TRIO: variants seen among roughly 807,000 people sequenced by gnomAD.
TRIO encodes triple functional domain protein.
In TRIO, 58 loss-of-function variants were observed where a neutral mutation model predicts 351.9. The observed-to-expected ratio is 0.16, with a 90% CI of 0.13 to 0.21. The LOEUF is 0.21. Among genes scored for constraint, TRIO ranks in the 10% least tolerant of loss-of-function variants. The pLI is 1.00. For synonymous variants in TRIO, 1,758 were observed against 1,595.7 expected, an observed-to-expected ratio of 1.10 and a Z score of -2.42; for missense variants, 3,201 against 4,027.8, an observed-to-expected ratio of 0.79 and a Z score of 5.56.
intron 1 of TRIO, among the ~76,000 whole-genome samples, chr5:14,231,075 T>C (rs748325031): frequency 2.6e-5 from 4 of 152,212 alleles, no homozygotes; most frequent in Non-Finnish European, 5.9e-5. Flanking sequence ...AAAGAATTCT[T>C]GTCTTTGTTT....
intron 10 of TRIO, among the ~76,000 whole-genome samples, chr5:14,336,029 G>A (rs142175541): frequency 6.6e-6 from 1 of 152,278 alleles, no homozygotes; most frequent in East Asian, 1.9e-4. Context: ...GATGAGCACA[G>A]AATTACCAAC....
chr5:14,351,842 A>G (rs971817994), intron 11 of TRIO, among the ~76,000 whole-genome samples: 3 of 152,168 alleles, frequency 2.0e-5, no homozygotes, highest in Non-Finnish European at 4.4e-5. Flanking sequence ...AGCTGGAACA[A>G]TTCCCAGCTT....
intron 8 of TRIO, among the ~76,000 whole-genome samples, chr5:14,308,669 CCA>C (rs1738610531): frequency 8.6e-6 from 1 of 116,148 alleles, no homozygotes; most frequent in Admixed American, 7.9e-5. Context: ...ATCCATCCAT[CCA>C]TCCATCCATC....
At chr5:14,490,513 C>T (rs1276584080) in intron 48 of TRIO, among the ~76,000 whole-genome samples, 2 of 152,266 alleles carry the variant, frequency 1.3e-5, no homozygotes, top group African/African-American at 2.4e-5. Flanking sequence ...CTTCCTGCAG[C>T]TCAGTGGTCT....
intron 1 of TRIO, among the ~76,000 whole-genome samples, chr5:14,193,924 G>A (rs1237526468): frequency 1.3e-5 from 2 of 152,098 alleles, no homozygotes; most frequent in African/African-American, 4.8e-5. Context: ...ACTCTGCCCT[G>A]AAGTCCTTAC....
intron 1 of TRIO, among the ~76,000 whole-genome samples, chr5:14,228,427 G>A (rs1451472378): frequency 6.6e-6 from 1 of 152,182 alleles, no homozygotes; most frequent in South Asian, 2.1e-4. Flanking sequence ...AGGACAAATG[G>A]CTTGAGAATG....
intron 4 of TRIO, among the ~76,000 whole-genome samples, chr5:14,289,225 A>G (rs1432242439): frequency 1.3e-5 from 2 of 152,064 alleles, no homozygotes; most frequent in Non-Finnish European, 2.9e-5. Context: ...TCTCTACTAA[A>G]AATACAAAAA....
intron 1 of TRIO, among the ~76,000 whole-genome samples, chr5:14,244,542 T>A (rs1487357490): frequency 1.3e-5 from 2 of 152,226 alleles, no homozygotes. Flanking sequence ...TGTAGAATTG[T>A]TATCTGTATG....
At chr5:14,197,731 C>T (rs1790866223) in intron 1 of TRIO, among the ~76,000 whole-genome samples, 1 of 152,194 alleles carries the variant, frequency 6.6e-6, no homozygotes, top group Admixed American at 6.5e-5. Context: ...GTCATGATAT[C>T]AGCATTTGTT....
intron 1 of TRIO, among the ~76,000 whole-genome samples, chr5:14,219,588 G>A (rs1450299892): frequency 6.6e-6 from 1 of 152,160 alleles, no homozygotes; most frequent in African/African-American, 2.4e-5. Flanking sequence ...CACCAATCCC[G>A]TATTAATAGG....
chr5:14,174,044 A>G (rs1035315719), intron 1 of TRIO, among the ~76,000 whole-genome samples: 1 of 152,214 alleles, frequency 6.6e-6, no homozygotes, highest in Non-Finnish European at 1.5e-5. Flanking sequence ...GTCTGCTGAC[A>G]TGTGAGGTCA....
chr5:14,474,127 G>T, intron 40 of TRIO, 30 bp downstream of exon 40: 1 of 1,592,424 alleles, frequency 6.3e-7, no homozygotes, highest in African/African-American at 1.3e-5. Flanking sequence ...GCCCGATGGT[G>T]TGCAAAGCAG....
intron 1 of TRIO, among the ~76,000 whole-genome samples, chr5:14,179,551 C>T (rs893927121): frequency 7.3e-5 from 11 of 151,462 alleles, no homozygotes; most frequent in Non-Finnish European, 7.4e-5. Flanking sequence ...CCTTGAGCTC[C>T]GCTGAAGTGA....
intron 27 of TRIO, among the ~76,000 whole-genome samples, chr5:14,392,999 A>G (rs1747234783): frequency 6.6e-6 from 1 of 151,948 alleles, no homozygotes; most frequent in East Asian, 1.9e-4. Flanking sequence ...GTGAACTGAG[A>G]TCACGCCACT....
intron 8 of TRIO, among the ~76,000 whole-genome samples, chr5:14,304,907 C>G (rs570813349): frequency 1.3e-5 from 2 of 152,284 alleles, no homozygotes; most frequent in South Asian, 4.1e-4. Context: ...GCTCTTCAGT[C>G]TAGTCAAACT....
intron 21 of TRIO, among the ~76,000 whole-genome samples, chr5:14,382,135 A>G (rs968678537): frequency 2.0e-5 from 3 of 152,220 alleles, no homozygotes; most frequent in Non-Finnish European, 4.4e-5. Flanking sequence ...TTTCAAATGT[A>G]TAAGAGTGGG....
At chr5:14,143,907 C>T (rs1787327961) in intron 1 of TRIO, 25 bp downstream of exon 1, 2 of 1,065,392 alleles carry the variant, frequency 1.9e-6, no homozygotes, top group Non-Finnish European at 2.3e-6. Flanking sequence ...GGCCGGCCCG[C>T]CCAGCGGCGC....
chr5:14,389,385 G>T lies in TRIO; in HGVS notation c.4045G>T (p.Glu1349Ter). 1 of 1,609,630 alleles carries T rather than the reference G, an allele frequency of 6.2e-7. No individual in the cohort carries two copies. Among genetic ancestry groups the T allele is most frequent in the Non-Finnish European group, 8.5e-7 (1 of 1,178,176 alleles). ...CTTCGGAAACATGCAAGAAATCTAC[G>T]AATTTCATAATAAGTGAGTGGCTTT... ...IIFGNMQEIYEFHNNIFLKEL... is the reference protein window; with the variant it reads ...IIFGNMQEIY The change falls in exon 25 of 57, where the codon GAA (glutamate) becomes TAA (stop). Residue 1349 changes from glutamate (E) to a stop codon, truncating the protein, a stop_gained. Coordinates refer to ENST00000344204, the MANE Select transcript of TRIO (RefSeq NM_007118.4). LOFTEE classifies it high-confidence loss of function.
At chr5:14,401,824 G>T (rs1228083590) in intron 31 of TRIO, among the ~76,000 whole-genome samples, 1 of 152,160 alleles carries the variant, frequency 6.6e-6, no homozygotes, top group Non-Finnish European at 1.5e-5. Context: ...TTTGGGGGAC[G>T]GTGGAGCTAA....
Sources: gnomAD v4.1 joint callset for allele counts (sites outside exome capture counted in the v4.1 genomes callset) on GRCh38, gnomAD v4.1.1 for gene constraint, MANE v1.5 for transcripts, NCBI Gene and HGNC (gene_info 2026-07-23, HGNC 2026-07-21) for gene names.